CMC1: variants seen among roughly 807,000 people sequenced by gnomAD.
The protein encoded by CMC1 is C-X9-C motif containing 1, also known as COX assembly mitochondrial protein homolog.
CMC1 carries 14 observed loss-of-function variants against 14.1 expected under a neutral mutation model. The observed-to-expected ratio is 0.99, with a 90% CI of 0.66 to 1.55. CMC1 has a LOEUF of 1.55. Among genes scored for constraint, CMC1 ranks in the 40% most tolerant of loss-of-function variants. The pLI, the probability that CMC1 is intolerant of heterozygous loss-of-function variation, is 0.00. For missense variants in CMC1, 127 were observed against 123.8 expected, an observed-to-expected ratio of 1.03 and a Z score of -0.12; for synonymous variants, 50 against 38.4, an observed-to-expected ratio of 1.30 and a Z score of -1.12.
At chr3:28,271,264 C>A (rs896433981) in intron 2 of CMC1, among the ~76,000 whole-genome samples, 7 of 152,078 alleles carry the variant, frequency 4.6e-5, no homozygotes, top group African/African-American at 1.4e-4. Context: ...CCACACCTGG[C>A]TAATTTTTAT....
Position 28,316,369 on chromosome 3 carries a change from TG to T in CMC1, c.148del (p.Val50Ter). The T allele has an allele frequency of 1.3e-6, 2 of 1,595,198 alleles. No individual in the cohort carries two copies. Among genetic ancestry groups the T allele is most frequent in the Non-Finnish European group, 1.7e-6 (2 of 1,172,606 alleles). On this transcript the variant is annotated frameshift_variant, in exon 3 of 4. Transcript: ENST00000466830. LOFTEE classifies it high-confidence loss of function. Reference sequence around the variant, plus strand: ...TGTTGCAAGAACTCTGGAGTTCTTATGGTAGTAAAATGCCGGAAAGAAAATT... The same window carrying T: ...TGTTGCAAGAACTCTGGAGTTCTTATGTAGTAAAATGCCGGAAAGAAAATT... Reference protein sequence around the residue: ...TKCCKNSGVLMVVKCRKENSA... With the variant: ...TKCCKNSGVLXVVKCRKENSA...
intron 2 of CMC1, among the ~76,000 whole-genome samples, chr3:28,272,335 A>T (rs548306692): frequency 6.6e-6 from 1 of 152,304 alleles, no homozygotes; most frequent in East Asian, 1.9e-4. Flanking sequence ...TTGCTCATTC[A>T]GTATGATGTT....
intron 2 of CMC1, among the ~76,000 whole-genome samples, chr3:28,276,216 C>T (rs1266240540): frequency 6.6e-6 from 1 of 152,112 alleles, no homozygotes; most frequent in East Asian, 1.9e-4. Context: ...GCAGCTGTTG[C>T]AGCTGTTTCT....
chr3:28,253,225 A>G (rs1182875614), intron 1 of CMC1, among the ~76,000 whole-genome samples: 1 of 152,156 alleles, frequency 6.6e-6, no homozygotes, highest in Non-Finnish European at 1.5e-5. Flanking sequence ...GTCTCATTGT[A>G]TTGTATATCA....
At chr3:28,244,967 T>TA (rs1553612266) in intron 1 of CMC1, among the ~76,000 whole-genome samples, 3 of 151,354 alleles carry the variant, frequency 2.0e-5, no homozygotes, top group Non-Finnish European at 4.4e-5. Flanking sequence ...TTTTTTTTTT[T>TA]AATTTCGTGT....
At chr3:28,294,748 ATTTG>A (rs1196507449) in intron 2 of CMC1, among the ~76,000 whole-genome samples, 1 of 151,976 alleles carries the variant, frequency 6.6e-6, no homozygotes, top group African/African-American at 2.4e-5. Flanking sequence ...GCTTTAGGAA[ATTTG>A]TTTGTGTTCA....
chr3:28,266,970 C>T (rs1046488829), intron 2 of CMC1, among the ~76,000 whole-genome samples: 1 of 152,100 alleles, frequency 6.6e-6, no homozygotes, highest in Non-Finnish European at 1.5e-5. Context: ...TTTCTTACTT[C>T]CTCCCACTTT....
At chr3:28,246,481 C>A (rs1020510205) in intron 1 of CMC1, among the ~76,000 whole-genome samples, 1 of 152,120 alleles carries the variant, frequency 6.6e-6, no homozygotes, top group Non-Finnish European at 1.5e-5. Context: ...GAAGACACTG[C>A]AAGTTTTTAG....
At chr3:28,300,526 C>G (rs1701970127) in intron 2 of CMC1, among the ~76,000 whole-genome samples, 1 of 152,028 alleles carries the variant, frequency 6.6e-6, no homozygotes, top group Non-Finnish European at 1.5e-5. Context: ...CTCTGCTCTT[C>G]AAAGCCGAGG....
Position 28,319,751 on chromosome 3 carries a change from T to C in CMC1, c.*122T>C, listed in dbSNP as rs1393200078. 1.2e-6 allele frequency: 1 copy of C among 813,612 alleles called. No individual in the cohort carries two copies. The highest frequency in any genetic ancestry group is 1.8e-6 in the Non-Finnish European group (1 of 549,006). 50.4% of individuals were successfully genotyped at this position (813,612 alleles called of 1,614,324 possible). ...TAATTATGGAAATATTAACTTTATC[T>C]GAAATAAATATTTTATTTCAAAGTT... On this transcript the variant is annotated 3_prime_UTR_variant, in exon 4 of 4. Transcript: ENST00000466830.
At chr3:28,299,187 C>G (rs1701896565) in intron 2 of CMC1, among the ~76,000 whole-genome samples, 1 of 152,050 alleles carries the variant, frequency 6.6e-6, no homozygotes, top group Non-Finnish European at 1.5e-5. Context: ...TAGAATAATT[C>G]TTTAATCAAC....
chr3:28,270,043 G>A (rs749599344), intron 2 of CMC1, among the ~76,000 whole-genome samples: 4 of 152,048 alleles, frequency 2.6e-5, no homozygotes, highest in East Asian at 1.9e-4. Flanking sequence ...CTGTTCCTGC[G>A]TTAGTTCCTG....
intron 2 of CMC1, among the ~76,000 whole-genome samples, chr3:28,269,419 T>G (rs942673188): frequency 6.6e-6 from 1 of 151,500 alleles, no homozygotes; most frequent in African/African-American, 2.4e-5. Context: ...CAGAGGAAGA[T>G]GCAGTATATT....
chr3:28,324,951 G>A lies in CMC1; in HGVS notation c.*5322G>A, dbSNP rs1703328456. ...TGCTCAAACTCTTTGTCCACAGGCAGTCCAAAAGCAAATTTTTTAGAAATA... is the reference window on the plus strand; with the variant it reads ...TGCTCAAACTCTTTGTCCACAGGCAATCCAAAAGCAAATTTTTTAGAAATA... On this transcript the variant is annotated 3_prime_UTR_variant, in exon 4 of 4. Transcript: ENST00000466830. The A allele has an allele frequency of 6.6e-6, 1 of 150,918 alleles. No homozygotes were observed. The highest frequency in any genetic ancestry group is 2.4e-5 in the African/African-American group (1 of 41,250). 9.3% of individuals were successfully genotyped at this position (150,918 alleles called of 1,614,324 possible).
intron 2 of CMC1, among the ~76,000 whole-genome samples, chr3:28,278,668 A>G (rs1700717001): frequency 6.6e-6 from 1 of 152,236 alleles, no homozygotes; most frequent in African/African-American, 2.4e-5. Flanking sequence ...TGTGCAATAC[A>G]TGGTGTTAGA....
At position 28,263,338 on chromosome 3, in the gene CMC1, A is replaced by G. The variant is rs771878791; in HGVS notation, c.67A>G (p.Met23Val). The G allele has an allele frequency of 6.2e-7, 1 of 1,609,768 alleles. No individual in the cohort carries two copies. Among genetic ancestry groups the G allele is most frequent in the Non-Finnish European group, 8.5e-7 (1 of 1,178,166 alleles). Residue 23 changes from methionine to valine, a missense_variant, in exon 2 of 4, where the codon ATG (methionine) becomes GTG (valine). Met to Val is a conservative substitution (Grantham distance 21). Transcript: ENST00000466830. ...VEKDVLIPKI[M>V]REKAKERCSE... ...AAAAGATGTTTTGATCCCTAAAATA[A>G]TGAGAGAAAAGGCCAAAGAGAGGTG...
intron 2 of CMC1, among the ~76,000 whole-genome samples, chr3:28,301,857 C>A (rs543261924): frequency 6.6e-6 from 1 of 151,988 alleles, no homozygotes; most frequent in African/African-American, 2.4e-5. Context: ...CAGCATTAGA[C>A]TACCTTTTTT....
At chr3:28,283,350 C>T (rs902882003) in intron 2 of CMC1, among the ~76,000 whole-genome samples, 5 of 150,574 alleles carry the variant, frequency 3.3e-5, no homozygotes, top group African/African-American at 1.2e-4. Flanking sequence ...CCCATCTCTA[C>T]TAAAAATAAA....
intron 2 of CMC1, among the ~76,000 whole-genome samples, chr3:28,293,602 G>A (rs1701594264): frequency 6.6e-6 from 1 of 151,974 alleles, no homozygotes; most frequent in African/African-American, 2.4e-5. Context: ...CTTTTTTTGA[G>A]ATGGAGTCTT....
Sources: gnomAD v4.1 joint callset for allele counts (sites outside exome capture counted in the v4.1 genomes callset) on GRCh38, gnomAD v4.1.1 for gene constraint, MANE v1.5 for transcripts, NCBI Gene and HGNC (gene_info 2026-07-23, HGNC 2026-07-21) for gene names.